Variants in CIRSR observed in about 807,000 individuals in gnomAD.
CIRSR encodes corepressor of RBPJ and splicing regulator.
At chr2:174,377,712 C>T in the CIRSR span, among the ~76,000 whole-genome samples, 1 of 148,644 alleles carries the variant, frequency 6.7e-6, no homozygotes, top group African/African-American at 2.5e-5. Context: ...TCTCAGCTAG[C>T]TACTCGGGGG....
At chr2:174,353,749 A>G in the CIRSR span, among the ~76,000 whole-genome samples, 1 of 152,148 alleles carries the variant, frequency 6.6e-6, no homozygotes, top group Admixed American at 6.5e-5. Context: ...TACAGCCGTG[A>G]GCCACCGCGC....
the CIRSR span, chr2:174,387,263 A>G: frequency 3.8e-5 from 6 of 156,658 alleles, no homozygotes; most frequent in African/African-American, 1.2e-4. Flanking sequence ...GAAGACACCA[A>G]TGAAGAACTC....
the CIRSR span, among the ~76,000 whole-genome samples, chr2:174,365,357 T>C: frequency 6.6e-6 from 1 of 152,212 alleles, no homozygotes; most frequent in South Asian, 2.1e-4. Context: ...CTTTCCTACA[T>C]TTTCCTGTCC....
At chr2:174,360,898 A>G in the CIRSR span, among the ~76,000 whole-genome samples, 97,794 of 152,084 alleles carry the variant, frequency 0.64, 32,241 homozygotes, top group East Asian at 0.8. Flanking sequence ...CTAATAAGGA[A>G]CATCATTTTG....
the CIRSR span, among the ~76,000 whole-genome samples, chr2:174,395,026 C>T: frequency 6.6e-6 from 1 of 152,212 alleles, no homozygotes; most frequent in Non-Finnish European, 1.5e-5. Flanking sequence ...ATTCTTTCTA[C>T]TTCACTCTTT....
At chr2:174,376,801 GAA>G in the CIRSR span, among the ~76,000 whole-genome samples, 74 of 106,884 alleles carry the variant, frequency 6.9e-4, no homozygotes, top group Non-Finnish European at 9.6e-4. Context: ...CTGTCTCAGG[GAA>G]AAAAAAAAAA....
the CIRSR span, chr2:174,351,931 C>T: frequency 2.4e-5 from 10 of 413,362 alleles, no homozygotes; most frequent in Admixed American, 4.4e-5. Context: ...TTTTTCTTTA[C>T]GTGCAAGGGG....
At chr2:174,357,100 A>G in the CIRSR span, among the ~76,000 whole-genome samples, 3 of 152,172 alleles carry the variant, frequency 2.0e-5, no homozygotes, top group African/African-American at 7.2e-5. Flanking sequence ...CACATATTGT[A>G]TTTGATTTAT....
chr2:174,394,842 G>A, the CIRSR span, among the ~76,000 whole-genome samples: 1 of 152,170 alleles, frequency 6.6e-6, no homozygotes, highest in South Asian at 2.1e-4. Context: ...AGATGCCTAC[G>A]TTGTTTCAAA....
the CIRSR span, among the ~76,000 whole-genome samples, chr2:174,392,398 ACATGGG>A: frequency 6.6e-6 from 1 of 152,238 alleles, no homozygotes; most frequent in East Asian, 1.9e-4. Context: ...TGTACATTTT[ACATGGG>A]TGTTTGTATG....
the CIRSR span, among the ~76,000 whole-genome samples, chr2:174,372,950 C>T: frequency 6.6e-6 from 1 of 152,052 alleles, no homozygotes; most frequent in Non-Finnish European, 1.5e-5. Flanking sequence ...TGATTATTTC[C>T]TTAGGGTAGA....
chr2:174,350,549 G>T, the CIRSR span: 1 of 555,744 alleles, frequency 1.8e-6, no homozygotes, highest in Non-Finnish European at 3.0e-6. Context: ...ATCAATAAAT[G>T]TGATGCATGG....
the CIRSR span, chr2:174,350,659 C>T: frequency 6.3e-7 from 1 of 1,577,070 alleles, no homozygotes; most frequent in Non-Finnish European, 8.7e-7. Context: ...TTCTAAATTA[C>T]CTGAGAAGTT....
At chr2:174,371,441 G>A in the CIRSR span, among the ~76,000 whole-genome samples, 9 of 152,180 alleles carry the variant, frequency 5.9e-5, no homozygotes, top group Admixed American at 5.9e-4. Context: ...TAAAAGCCAG[G>A]TGGGCTGGCC....
chr2:174,372,643 C>T, the CIRSR span, among the ~76,000 whole-genome samples: 1 of 152,028 alleles, frequency 6.6e-6, no homozygotes, highest in African/African-American at 2.4e-5. Context: ...AGTGCAGTGG[C>T]ACAATTTCAG....
At chr2:174,381,627 A>C in the CIRSR span, 2 of 1,134,976 alleles carry the variant, frequency 1.8e-6, no homozygotes, top group Admixed American at 4.6e-5. Flanking sequence ...ACTGCACTCC[A>C]GCCTGGACGA....
At chr2:174,349,564 T>TAAAAAAAAAAAA in the CIRSR span, among the ~76,000 whole-genome samples, 1 of 105,128 alleles carries the variant, frequency 9.5e-6, no homozygotes, top group African/African-American at 3.4e-5. Context: ...GACTCTGTCT[T>TAAAAAAAAAAAA]AAAAAAAAAA....
chr2:174,382,216 G>A, the CIRSR span, among the ~76,000 whole-genome samples: 1 of 152,172 alleles, frequency 6.6e-6, no homozygotes. Flanking sequence ...AAAAGAAAAG[G>A]CAAAGGAATC....
At chr2:174,379,864 C>T in the CIRSR span, among the ~76,000 whole-genome samples, 1 of 151,720 alleles carries the variant, frequency 6.6e-6, no homozygotes, top group African/African-American at 2.4e-5. Flanking sequence ...GCTGGGATTA[C>T]AGGCGCCTGC....
Sources: gnomAD v4.1 joint callset for allele counts (sites outside exome capture counted in the v4.1 genomes callset) on GRCh38, gnomAD v4.1.1 for gene constraint, MANE v1.5 for transcripts, NCBI Gene and HGNC (gene_info 2026-07-23, HGNC 2026-07-21) for gene names.